Variants in GKAP1 observed in about 807,000 individuals in gnomAD.
The protein encoded by GKAP1 is G kinase-anchoring protein 1.
Under a neutral mutation model 56.7 loss-of-function variants are expected in GKAP1, and 31 were observed. That is an observed-to-expected ratio of 0.55 (90% CI 0.41 to 0.74). The LOEUF (loss-of-function observed/expected upper bound fraction) is 0.74, where lower values mean the gene tolerates loss of function less well. GKAP1 is among the 30% of genes least tolerant of loss of function. GKAP1 has a pLI of 0.00. For missense variants in GKAP1, 364 were observed against 402.3 expected (o/e 0.90, Z 0.82); for synonymous variants, 151 against 138.6 (o/e 1.09, Z -0.63).
Position 83,755,611 on chromosome 9 carries a change from G to C in GKAP1, c.739-2252C>G, listed in dbSNP as rs1031607406. 6.6e-5 allele frequency among the ~76,000 whole-genome samples: 10 copies of C among 151,450 alleles called. No individual in the cohort carries two copies. The East Asian group carries it at 1.2e-3, about 18-fold the overall frequency. On this transcript the variant is annotated intron_variant, in intron 8 of 12. Transcript: ENST00000376371. ...CTTCTGAAATTGACATCAAAAAAAA[G>C]AGGAAAAATGGAAAAGATTGGTAGA...
At chr9:83,747,967 T>G (rs1943322103) in intron 10 of GKAP1, among the ~76,000 whole-genome samples, 1 of 152,158 alleles carries the variant, frequency 6.6e-6, no homozygotes, top group South Asian at 2.1e-4. Flanking sequence ...TGGGAAACCT[T>G]TCTACTTTGT....
intron 8 of GKAP1, among the ~76,000 whole-genome samples, chr9:83,756,293 A>G (rs1943473913): frequency 6.6e-6 from 1 of 151,796 alleles, no homozygotes; most frequent in Non-Finnish European, 1.5e-5. Context: ...CCTGGCCAAC[A>G]TGGTGATTCT....
At chr9:83,809,052 T>G (rs1944474398) in intron 2 of GKAP1, among the ~76,000 whole-genome samples, 1 of 152,246 alleles carries the variant, frequency 6.6e-6, no homozygotes, top group South Asian at 2.1e-4. Context: ...TGCTGAGATT[T>G]TCAGATTGCT....
At chr9:83,757,892 C>T (rs1943503893) in intron 8 of GKAP1, among the ~76,000 whole-genome samples, 1 of 148,842 alleles carries the variant, frequency 6.7e-6, no homozygotes, top group African/African-American at 2.5e-5. Flanking sequence ...AATGAGGAAA[C>T]CAAAAACTGA....
At chr9:83,793,637 AAAG>A (rs2131305033) in intron 4 of GKAP1, among the ~76,000 whole-genome samples, 1 of 152,360 alleles carries the variant, frequency 6.6e-6, no homozygotes, top group African/African-American at 2.4e-5. Flanking sequence ...AAAAGAATTA[AAAG>A]TAGTAATGAA....
chr9:83,770,589 C>T (rs146006142), intron 7 of GKAP1, among the ~76,000 whole-genome samples: 1,989 of 151,874 alleles, frequency 0.013, 53 homozygotes, highest in African/African-American at 0.045. Flanking sequence ...CGGAGTTTCA[C>T]TCTTGTTGCC....
intron 4 of GKAP1, among the ~76,000 whole-genome samples, chr9:83,792,014 G>A (rs983895875): frequency 2.0e-5 from 3 of 152,194 alleles, no homozygotes; most frequent in African/African-American, 7.2e-5. Flanking sequence ...CATTACAAGA[G>A]AAAGATGTGG....
intron 8 of GKAP1, among the ~76,000 whole-genome samples, chr9:83,764,547 T>C (rs1467880626): frequency 1.3e-5 from 2 of 152,108 alleles, no homozygotes; most frequent in South Asian, 2.1e-4. Flanking sequence ...GCTATAAAGA[T>C]ACCTGAAAAT....
At chr9:83,804,671 T>TG (rs1376897172) in intron 3 of GKAP1, among the ~76,000 whole-genome samples, 76 of 82,008 alleles carry the variant, frequency 9.3e-4, no homozygotes, top group African/African-American at 1.2e-3. Flanking sequence ...GGGAGGGAGG[T>TG]GGGGGGGTCC....
At chr9:83,793,040 T>C (rs1944188732) in intron 4 of GKAP1, 2 of 1,248,296 alleles carry the variant, frequency 1.6e-6, no homozygotes, top group Middle Eastern at 2.2e-4. Flanking sequence ...CATTTTTTCT[T>C]CTATTTAAGC....
chr9:83,764,731 G>A (rs182432852), intron 8 of GKAP1, among the ~76,000 whole-genome samples: 1 of 152,288 alleles, frequency 6.6e-6, no homozygotes, highest in East Asian at 1.9e-4. Context: ...AACTGGAAAG[G>A]TCATTCTTGC....
intron 3 of GKAP1, among the ~76,000 whole-genome samples, chr9:83,803,941 C>T (rs1276294412): frequency 1.3e-5 from 2 of 149,228 alleles, no homozygotes; most frequent in Admixed American, 6.6e-5. Flanking sequence ...TCTGCCCGGC[C>T]GCGACCCCGT....
intron 5 of GKAP1, among the ~76,000 whole-genome samples, chr9:83,787,247 T>G (rs189595338): frequency 7.5e-4 from 114 of 152,318 alleles, no homozygotes; most frequent in Non-Finnish European, 1.4e-3. Context: ...GTGAATTTTT[T>G]TGTTAAGATG....
chr9:83,779,482 T>A (rs867704331), intron 7 of GKAP1, among the ~76,000 whole-genome samples: 1 of 100,196 alleles, frequency 1.0e-5, no homozygotes, highest in Non-Finnish European at 2.4e-5. Flanking sequence ...TACATATACA[T>A]ACATATATAC....
chr9:83,739,780 C>T, intron 12 of GKAP1, 36 bp from the exon 13 acceptor site: 8 of 1,537,572 alleles, frequency 5.2e-6, no homozygotes, highest in Admixed American at 1.8e-5. Flanking sequence ...AAATTATTTA[C>T]AACATACCAT....
At chr9:83,779,444 T>TACAC (rs1264892337) in intron 7 of GKAP1, among the ~76,000 whole-genome samples, 2,156 of 82,752 alleles carry the variant, frequency 0.026, 124 homozygotes, top group African/African-American at 0.072. Context: ...TATATATATA[T>TACAC]ATATACACAC....
At position 83,799,403 on chromosome 9, in the gene GKAP1, A is replaced by C. The variant is rs1337899608; in HGVS notation, c.217-75T>G. 3 of 1,075,640 alleles carry C rather than the reference A, an allele frequency of 2.8e-6. No homozygotes were observed. The African/African-American group carries it at 5.0e-5, about 18-fold the overall frequency. 66.6% of individuals were successfully genotyped at this position (1,075,640 alleles called of 1,614,324 possible). On this transcript the variant is annotated intron_variant, in intron 3 of 12. Transcript: ENST00000376371. ...TACTAATGATTTTTTTAATTAAAAA[A>C]AAACCAATGATATTTTTATACTTCT...
chr9:83,806,549 C>A lies in GKAP1; in HGVS notation c.-32G>T. The A allele has an allele frequency of 1.9e-6, 3 of 1,587,122 alleles. No homozygotes were observed. The South Asian group carries it at 3.4e-5, about 18-fold the overall frequency. On this transcript the variant is annotated 5_prime_UTR_variant, in exon 3 of 13. The change abolishes the stop of an existing upstream ORF in the 5' untranslated region. Coordinates refer to ENST00000376371, the MANE Select transcript of GKAP1 (RefSeq NM_025211.4). ...GATTTTTCTTTTAAAATACTTCTGT[C>A]AAGAATAATTTCTGTGGGGAGGCAG...
chr9:83,751,007 TC>T (rs1943380311), intron 9 of GKAP1, among the ~76,000 whole-genome samples: 1 of 152,018 alleles, frequency 6.6e-6, no homozygotes, highest in Non-Finnish European at 1.5e-5. Context: ...GGCTAATTTT[TC>T]ATATTTTTAG....
Sources: allele counts gnomAD v4.1 joint callset (sites outside exome capture counted in the v4.1 genomes callset), GRCh38; gene constraint gnomAD v4.1.1; transcripts MANE v1.5; gene names NCBI Gene and HGNC (gene_info 2026-07-23, HGNC 2026-07-21).